Variants in AGBL4 observed in about 807,000 individuals in gnomAD.
AGBL4 encodes cytosolic carboxypeptidase 6.
AGBL4 carries 58 observed loss-of-function variants against 66.4 expected under a neutral mutation model. That is an observed-to-expected ratio of 0.87 (90% CI 0.71 to 1.09). The LOEUF (loss-of-function observed/expected upper bound fraction) is 1.09. Ranked by LOEUF, AGBL4 falls within the 50% of genes least tolerant of loss-of-function variation. AGBL4 has a pLI of 0.00. For synonymous variants in AGBL4, 234 were observed against 222.9 expected, an observed-to-expected ratio of 1.05 and a Z score of -0.44; for missense variants, 579 against 631.0, an observed-to-expected ratio of 0.92 and a Z score of 0.88.
chr1:48,942,905 C>T (rs1369192537), intron 5 of AGBL4, among the ~76,000 whole-genome samples: 2 of 152,150 alleles, frequency 1.3e-5, no homozygotes, highest in African/African-American at 4.8e-5. Flanking sequence ...ACGTATATAC[C>T]ATATACCTGG....
chr1:49,633,489 G>T (rs1361523097), intron 3 of AGBL4, among the ~76,000 whole-genome samples: 1 of 152,052 alleles, frequency 6.6e-6, no homozygotes, highest in African/African-American at 2.4e-5. Flanking sequence ...ATAATAAGAG[G>T]TAAGTAGAGA....
chr1:48,816,940 G>A (rs1445528756), intron 6 of AGBL4, among the ~76,000 whole-genome samples: 1 of 152,186 alleles, frequency 6.6e-6, no homozygotes, highest in Non-Finnish European at 1.5e-5. Flanking sequence ...GCCCTCGAAG[G>A]TGGTCACGAT....
chr1:49,824,296 T>C (rs1270681800), intron 2 of AGBL4, among the ~76,000 whole-genome samples: 1 of 152,102 alleles, frequency 6.6e-6, no homozygotes, highest in Non-Finnish European at 1.5e-5. Context: ...AATAAAGATA[T>C]ACAGAGAAGT....
intron 3 of AGBL4, among the ~76,000 whole-genome samples, chr1:49,377,067 G>A (rs1467818026): frequency 1.3e-5 from 2 of 152,042 alleles, no homozygotes; most frequent in Non-Finnish European, 2.9e-5. Context: ...AGAAAATGAA[G>A]TAAAAATTTC....
At chr1:48,606,656 G>A (rs376922395) in intron 9 of AGBL4, among the ~76,000 whole-genome samples, 1 of 152,154 alleles carries the variant, frequency 6.6e-6, no homozygotes, top group South Asian at 2.1e-4. Flanking sequence ...CATAGTCTGT[G>A]AGGCTCCCAG....
At chr1:49,176,670 C>T (rs796083778) in intron 4 of AGBL4, among the ~76,000 whole-genome samples, 1 of 152,194 alleles carries the variant, frequency 6.6e-6, no homozygotes, top group African/African-American at 2.4e-5. Context: ...AGAGTTATTT[C>T]TCAAGATAAA....
chr1:49,860,548 A>G (rs906795188), intron 1 of AGBL4, among the ~76,000 whole-genome samples: 1 of 152,138 alleles, frequency 6.6e-6, no homozygotes, highest in Admixed American at 6.5e-5. Flanking sequence ...AAATTTTAAA[A>G]GTTAGCTGGC....
In AGBL4 at chr1:49,392,493, A is replaced by G. The variant is rs1338218; in HGVS notation, c.283-146629T>C. Among the ~76,000 whole-genome samples the G allele has an allele frequency of 6.7e-3, 1,028 of 152,326 alleles. 24 individuals are homozygous for G. Among genetic ancestry groups the G allele is most frequent in the Admixed American group, 0.048 (727 of 15,296 alleles). ...TGTTTTTGGTAGGAGCAGTCTCTTA[A>G]TAGTGAACCACTAATGTACTTGAGG... On this transcript the variant is annotated intron_variant, in intron 3 of 13. Coordinates refer to ENST00000371839, the MANE Select transcript of AGBL4 (RefSeq NM_032785.4).
At chr1:48,954,871 A>G (rs1458473482) in intron 5 of AGBL4, among the ~76,000 whole-genome samples, 1 of 152,218 alleles carries the variant, frequency 6.6e-6, no homozygotes, top group African/African-American at 2.4e-5. Flanking sequence ...TTTAGAGGAT[A>G]AAGACAGCAC....
intron 5 of AGBL4, among the ~76,000 whole-genome samples, chr1:48,972,153 G>C (rs1480033370): frequency 6.6e-6 from 1 of 152,122 alleles, no homozygotes; most frequent in South Asian, 2.1e-4. Flanking sequence ...ACCTCACTTC[G>C]TACCGAGGTG....
chr1:48,693,298 C>T (rs775983805), intron 6 of AGBL4, among the ~76,000 whole-genome samples: 4 of 152,092 alleles, frequency 2.6e-5, no homozygotes, highest in Non-Finnish European at 5.9e-5. Context: ...ATATTTAGTC[C>T]GATCTCACCA....
intron 3 of AGBL4, among the ~76,000 whole-genome samples, chr1:49,262,601 A>G (rs934953417): frequency 6.6e-5 from 10 of 151,796 alleles, no homozygotes; most frequent in Non-Finnish European, 1.2e-4. Context: ...CAAAACCACA[A>G]TGAGATACCA....
intron 2 of AGBL4, among the ~76,000 whole-genome samples, chr1:49,723,071 G>A (rs897075207): frequency 3.3e-5 from 5 of 151,642 alleles, no homozygotes; most frequent in African/African-American, 7.3e-5. Context: ...TTTCAACAAC[G>A]TGCAGCCAAT....
chr1:49,809,888 T>C (rs1645060286), intron 2 of AGBL4, among the ~76,000 whole-genome samples: 1 of 152,194 alleles, frequency 6.6e-6, no homozygotes, highest in Non-Finnish European at 1.5e-5. Context: ...AAACTTGCTA[T>C]ATAAATCCTG....
chr1:48,690,190 A>T (rs569727864), intron 6 of AGBL4, among the ~76,000 whole-genome samples: 1 of 152,334 alleles, frequency 6.6e-6, no homozygotes, highest in South Asian at 2.1e-4. Context: ...GTCAGGGCCC[A>T]TCCAGGCCCC....
chr1:49,397,015 G>A (rs142913610), intron 3 of AGBL4, among the ~76,000 whole-genome samples: 16 of 152,150 alleles, frequency 1.1e-4, no homozygotes, highest in African/African-American at 2.2e-4. Context: ...TAGATCCCTC[G>A]CATGCACAGT....
chr1:49,742,439 G>A (rs1244052969), intron 2 of AGBL4, among the ~76,000 whole-genome samples: 2 of 151,920 alleles, frequency 1.3e-5, no homozygotes, highest in African/African-American at 4.8e-5. Flanking sequence ...ATGCTCATGG[G>A]TAGGAAGAAT....
At chr1:48,859,871 A>G (rs527803001) in intron 6 of AGBL4, among the ~76,000 whole-genome samples, 11 of 152,338 alleles carry the variant, frequency 7.2e-5, no homozygotes, top group Admixed American at 2.0e-4. Flanking sequence ...GTTATTTGTA[A>G]TGAAATAATT....
intron 3 of AGBL4, among the ~76,000 whole-genome samples, chr1:49,407,674 GA>G (rs960528728): frequency 6.7e-5 from 10 of 149,608 alleles, no homozygotes; most frequent in Admixed American, 1.3e-4. Context: ...TCTATGTCTT[GA>G]AAAAAAAAGA....
Sources: gnomAD v4.1 joint callset for allele counts (sites outside exome capture counted in the v4.1 genomes callset) on GRCh38, gnomAD v4.1.1 for gene constraint, MANE v1.5 for transcripts, NCBI Gene and HGNC (gene_info 2026-07-23, HGNC 2026-07-21) for gene names.